The following NAV2 variants were observed in gnomAD, a reference collection of about 807,000 sequenced individuals.
The protein encoded by NAV2 is neuron navigator 2, also known as helicase, APC down-regulated 1.
Under a neutral mutation model 223.2 loss-of-function variants are expected in NAV2, and 54 were observed. The ratio of observed to expected loss-of-function variants is 0.24; its 90% CI spans 0.19 to 0.30. NAV2 has a LOEUF of 0.30. NAV2 is among the 10% of genes least tolerant of loss of function. The probability of loss-of-function intolerance (pLI) is 1.00; values close to 1 mark genes in which losing one functional copy is unlikely to be tolerated. For missense variants in NAV2, 2,806 were observed against 3,147.5 expected (o/e 0.89, Z 2.60); for synonymous variants, 1,279 against 1,239.3 (o/e 1.03, Z -0.67).
intron 1 of NAV2, among the ~76,000 whole-genome samples, chr11:19,818,231 ATTTTTTTTTT>A (rs34649376): frequency 2.1e-4 from 12 of 56,038 alleles, no homozygotes; most frequent in African/African-American, 9.5e-4. Flanking sequence ...GTATTTAGTG[ATTTTTTTTTT>A]TTTTTTTTTT....
In NAV2 at chr11:20,045,569, G is replaced by T; in HGVS notation, c.3801G>T (p.Ser1267=). The T allele has an allele frequency of 1.2e-6, 2 of 1,614,142 alleles. No homozygotes were observed. Among genetic ancestry groups the T allele is most frequent in the Non-Finnish European group, 1.7e-6 (2 of 1,180,010 alleles). Residue 1267 remains serine (S), a synonymous_variant, in exon 14 of 38, where the codon TCG becomes TCT. Coordinates refer to ENST00000349880, the MANE Select transcript of NAV2 (RefSeq NM_145117.5). ...ACGAGAGTGTGGCTTCCTGTAACTC[G>T]GTGAAAGTGAATCCGGCAGCCCAGC... The part of the protein sequence containing the change: ...SDNESVASCN[S]VKVNPAAQPV...
chr11:19,668,506 C>T (rs1191590263), intron 1 of NAV2, among the ~76,000 whole-genome samples: 3 of 117,280 alleles, frequency 2.6e-5, no homozygotes, highest in South Asian at 6.0e-4. Flanking sequence ...GCACTCTAGC[C>T]TGGGCAACAG....
intron 1 of NAV2, among the ~76,000 whole-genome samples, chr11:19,737,702 G>T (rs573322444): frequency 6.6e-6 from 1 of 152,334 alleles, no homozygotes; most frequent in South Asian, 2.1e-4. Context: ...TGCTTGAGAG[G>T]GTTAAGTGAA....
chr11:19,376,293 A>G (rs576347078), intron 1 of NAV2, among the ~76,000 whole-genome samples: 1 of 152,350 alleles, frequency 6.6e-6, no homozygotes, highest in East Asian at 1.9e-4. Context: ...ACAAAAAAAC[A>G]ATTGCTGGTG....
At chr11:19,928,691 C>T (rs1390206021) in intron 6 of NAV2, among the ~76,000 whole-genome samples, 1 of 152,152 alleles carries the variant, frequency 6.6e-6, no homozygotes, top group Non-Finnish European at 1.5e-5. Context: ...TGGAAATCAC[C>T]CAGCTGCAGG....
intron 1 of NAV2, among the ~76,000 whole-genome samples, chr11:19,703,490 G>A (rs1565180549): frequency 1.3e-5 from 2 of 152,216 alleles, no homozygotes; most frequent in Non-Finnish European, 2.9e-5. Context: ...GGCCCTGCAG[G>A]AGCAACCGGT....
intron 6 of NAV2, among the ~76,000 whole-genome samples, chr11:19,898,912 A>G (rs138246204): frequency 6.6e-6 from 1 of 152,188 alleles, no homozygotes; most frequent in Non-Finnish European, 1.5e-5. Flanking sequence ...TAAAAACTGG[A>G]CTTGTTTACT....
intron 1 of NAV2, among the ~76,000 whole-genome samples, chr11:19,648,807 T>C (rs1180126362): frequency 6.6e-6 from 1 of 152,210 alleles, no homozygotes; most frequent in East Asian, 1.9e-4. Context: ...TATTATTAGC[T>C]AGGTGTAGAG....
intron 1 of NAV2, chr11:19,714,522 C>T (rs1297455057): frequency 2.2e-6 from 1 of 453,020 alleles, no homozygotes; most frequent in Middle Eastern, 3.3e-4. Context: ...GACGGGATTC[C>T]GGGCAAGGTG....
intron 1 of NAV2, among the ~76,000 whole-genome samples, chr11:19,676,881 G>T (rs1035512586): frequency 6.6e-6 from 1 of 152,206 alleles, no homozygotes; most frequent in African/African-American, 2.4e-5. Context: ...ATTTGGTTGG[G>T]TCTGGAGAGC....
At position 19,713,523 on chromosome 11, in the gene NAV2, G is replaced by A. The variant is rs1272528969; in HGVS notation, c.-173G>A. On this transcript the variant is annotated 5_prime_UTR_variant, in exon 1 of 38. Transcript: ENST00000349880. The surrounding 1 kb of genome is among the most constrained non-coding windows in gnomAD (Gnocchi z 7.2). ...TCCCATCCCGGCACCCCAAAGGCGC[G>A]CTCGCCCGATTGCTTCGAGTTCCCC... is the stretch of plus-strand genomic sequence containing the variant. 4.3e-6 allele frequency: 6 copies of A among 1,393,370 alleles called. No individual in the cohort carries two copies. The highest frequency in any genetic ancestry group is 3.1e-5 in the Admixed American group (1 of 31,928). 86.3% of individuals were successfully genotyped at this position (1,393,370 alleles called of 1,614,324 possible).
chr11:19,703,558 G>A (rs576263928), intron 1 of NAV2, among the ~76,000 whole-genome samples: 2 of 152,338 alleles, frequency 1.3e-5, no homozygotes, highest in African/African-American at 2.4e-5. Flanking sequence ...GAGCTGAGGC[G>A]GCATTGGGGG....
chr11:19,823,646 A>T (rs1381748584), intron 1 of NAV2, among the ~76,000 whole-genome samples: 1 of 152,204 alleles, frequency 6.6e-6, no homozygotes, highest in Admixed American at 6.5e-5. Flanking sequence ...CAGCTTATAC[A>T]GTTTCTAAAG....
At chr11:20,037,290 C>T (rs898980471) in intron 12 of NAV2, among the ~76,000 whole-genome samples, 11 of 151,558 alleles carry the variant, frequency 7.3e-5, no homozygotes, top group African/African-American at 2.7e-4. Flanking sequence ...CCTTTCTCAG[C>T]AGTGCTTTAC....
intron 1 of NAV2, among the ~76,000 whole-genome samples, chr11:19,693,885 A>G (rs2049255054): frequency 6.6e-6 from 1 of 152,224 alleles, no homozygotes; most frequent in Non-Finnish European, 1.5e-5. Flanking sequence ...GGAGAATGTT[A>G]GGAGATTGGA....
intron 2 of NAV2, among the ~76,000 whole-genome samples, chr11:19,840,259 T>C (rs1228916504): frequency 1.3e-5 from 2 of 152,208 alleles, no homozygotes; most frequent in Non-Finnish European, 1.5e-5. Flanking sequence ...TTGACTTTTG[T>C]AAAATGGAAG....
chr11:19,520,295 C>T (rs534628526), intron 1 of NAV2, among the ~76,000 whole-genome samples: 19 of 152,350 alleles, frequency 1.2e-4, no homozygotes, highest in South Asian at 1.2e-3. Context: ...CAGGCACGCA[C>T]GGCCAGCTAC....
chr11:19,425,266 G>A (rs914125152), intron 1 of NAV2, among the ~76,000 whole-genome samples: 3 of 152,214 alleles, frequency 2.0e-5, no homozygotes, highest in Admixed American at 2.0e-4. Context: ...GGAAAGAAAT[G>A]TTATTCTTGG....
intron 37 of NAV2, among the ~76,000 whole-genome samples, chr11:20,116,853 A>G (rs915626593): frequency 2.6e-5 from 4 of 152,202 alleles, no homozygotes; most frequent in Non-Finnish European, 5.9e-5. Flanking sequence ...CTTCTCACTC[A>G]TGAGACTGAG....
Sources: allele counts gnomAD v4.1 joint callset (sites outside exome capture counted in the v4.1 genomes callset), GRCh38; gene constraint gnomAD v4.1.1; non-coding constraint Gnocchi (gnomAD v3.1); transcripts MANE v1.5; gene names NCBI Gene and HGNC (gene_info 2026-07-23, HGNC 2026-07-21).